ROBO2: variants seen among roughly 807,000 people sequenced by gnomAD.
The protein encoded by ROBO2 is roundabout homolog 2.
Under a neutral mutation model 160.8 loss-of-function variants are expected in ROBO2, and 53 were observed. The observed-to-expected ratio is 0.33, with a 90% CI of 0.26 to 0.41. The LOEUF is 0.41. Among genes scored for constraint, ROBO2 ranks in the 10% least tolerant of loss-of-function variants. The pLI is 1.00. For missense variants in ROBO2, 1,577 were observed against 1,722.4 expected, an observed-to-expected ratio of 0.92 and a Z score of 1.49; for synonymous variants, 664 against 611.7, an observed-to-expected ratio of 1.09 and a Z score of -1.26.
At chr3:76,001,241 T>G (rs981106829) in intron 2 of ROBO2, among the ~76,000 whole-genome samples, 44 of 152,228 alleles carry the variant, frequency 2.9e-4, no homozygotes, top group African/African-American at 1.0e-3. Context: ...ATAGAAAATT[T>G]TAGATATGAT....
chr3:75,988,111 GTTC>G (rs1157547625), intron 2 of ROBO2, among the ~76,000 whole-genome samples: 1 of 151,984 alleles, frequency 6.6e-6, no homozygotes, highest in African/African-American at 2.4e-5. Context: ...CGTTATTATA[GTTC>G]TTCTTTAAAT....
chr3:77,498,713 A>G (rs1387322200), intron 5 of ROBO2, among the ~76,000 whole-genome samples: 2 of 152,018 alleles, frequency 1.3e-5, no homozygotes, highest in African/African-American at 4.8e-5. Context: ...TGTTTAGAGC[A>G]TGTGCTTCTG....
At chr3:76,832,037 T>C (rs1374313204) in intron 2 of ROBO2, among the ~76,000 whole-genome samples, 1 of 152,094 alleles carries the variant, frequency 6.6e-6, no homozygotes, top group Non-Finnish European at 1.5e-5. Flanking sequence ...CTGCTATACA[T>C]AGGGTAGGGT....
intron 2 of ROBO2, among the ~76,000 whole-genome samples, chr3:76,571,172 C>T (rs1215903801): frequency 2.6e-5 from 4 of 151,970 alleles, no homozygotes; most frequent in Non-Finnish European, 4.4e-5. Flanking sequence ...TGAAAAGAAA[C>T]CAGGAAATAC....
intron 2 of ROBO2, among the ~76,000 whole-genome samples, chr3:76,163,411 C>T (rs528546983): frequency 2.0e-5 from 3 of 150,926 alleles, no homozygotes; most frequent in South Asian, 2.1e-4. Flanking sequence ...GTTATTATAA[C>T]GTGGTATTGA....
At chr3:77,518,736 T>C (rs1322043002) in intron 5 of ROBO2, among the ~76,000 whole-genome samples, 1 of 151,470 alleles carries the variant, frequency 6.6e-6, no homozygotes, top group Non-Finnish European at 1.5e-5. Context: ...TTATAATCTT[T>C]TCCAACTTCA....
At chr3:76,732,562 A>T (rs1047514869) in intron 2 of ROBO2, among the ~76,000 whole-genome samples, 1 of 152,064 alleles carries the variant, frequency 6.6e-6, no homozygotes, top group African/African-American at 2.4e-5. Flanking sequence ...GATTTTTAAA[A>T]TTTTTCAGTG....
At chr3:76,532,708 T>C (rs544487934) in intron 2 of ROBO2, among the ~76,000 whole-genome samples, 2 of 152,106 alleles carry the variant, frequency 1.3e-5, no homozygotes, top group African/African-American at 2.4e-5. Context: ...AAAAGATGCA[T>C]GTTCTAAGCA....
chr3:75,915,071 C>G (rs548039133), intron 1 of ROBO2, among the ~76,000 whole-genome samples: 3 of 152,292 alleles, frequency 2.0e-5, no homozygotes, highest in Non-Finnish European at 4.4e-5. Flanking sequence ...GTGCAACCAA[C>G]TGTCTCCTTG....
chr3:76,118,368 C>A (rs1167958266), intron 2 of ROBO2, among the ~76,000 whole-genome samples: 1 of 152,116 alleles, frequency 6.6e-6, no homozygotes, highest in African/African-American at 2.4e-5. Context: ...TGTTAACACC[C>A]AAATTCATAT....
chr3:77,382,342 T>A (rs2073591383), intron 2 of ROBO2, among the ~76,000 whole-genome samples: 1 of 100,938 alleles, frequency 9.9e-6, no homozygotes, highest in Non-Finnish European at 2.2e-5. Flanking sequence ...AGAAAACACA[T>A]GTCCTTTTTT....
intron 20 of ROBO2, among the ~76,000 whole-genome samples, 188 bp downstream of exon 21, chr3:77,602,679 ACCACCACCACCGCCGCCG>A (rs1205481916): frequency 2.9e-5 from 3 of 105,030 alleles, no homozygotes; most frequent in East Asian, 3.0e-4. Flanking sequence ...CACCACCACC[ACCACCACCACCGCCGCCG>A]CCACCACCAC....
chr3:76,203,737 C>A (rs1046876328), intron 2 of ROBO2, among the ~76,000 whole-genome samples: 8 of 135,300 alleles, frequency 5.9e-5, no homozygotes, highest in African/African-American at 1.6e-4. Flanking sequence ...CCCATAATTT[C>A]TTCTCCTTTC....
chr3:76,772,150 T>G (rs1288735689), intron 2 of ROBO2, among the ~76,000 whole-genome samples: 1 of 151,290 alleles, frequency 6.6e-6, no homozygotes, highest in African/African-American at 2.4e-5. Context: ...GCTTTGTTTG[T>G]AAAATAGTCC....
chr3:76,692,895 C>G (rs74876716), intron 2 of ROBO2, among the ~76,000 whole-genome samples: 2 of 151,096 alleles, frequency 1.3e-5, no homozygotes, highest in African/African-American at 2.4e-5. Flanking sequence ...CTCTCTCTCT[C>G]TCTCTATATA....
chr3:75,966,600 G>T (rs1949125385), intron 2 of ROBO2, among the ~76,000 whole-genome samples: 1 of 151,568 alleles, frequency 6.6e-6, no homozygotes, highest in African/African-American at 2.4e-5. Flanking sequence ...GTCAGAACCT[G>T]GGTTTTCTCA....
At chr3:77,468,154 T>C (rs1472617121) in intron 2 of ROBO2, among the ~76,000 whole-genome samples, 4 of 152,192 alleles carry the variant, frequency 2.6e-5, no homozygotes, top group Non-Finnish European at 5.9e-5. Flanking sequence ...GATTAAACAT[T>C]AATCAGCTTC....
intron 16 of ROBO2, among the ~76,000 whole-genome samples, chr3:77,586,860 C>A (rs569766264): frequency 3.3e-4 from 49 of 148,124 alleles, no homozygotes; most frequent in African/African-American, 1.1e-3. Context: ...TAATATTAAA[C>A]ATATAATAAA....
intron 2 of ROBO2, among the ~76,000 whole-genome samples, chr3:76,269,242 C>A (rs530535648): frequency 3.7e-4 from 57 of 152,114 alleles, no homozygotes; most frequent in Admixed American, 1.6e-3. Flanking sequence ...GTGGTTATTA[C>A]ACATTGTATG....
Sources: allele counts gnomAD v4.1 joint callset (sites outside exome capture counted in the v4.1 genomes callset), GRCh38; gene constraint gnomAD v4.1.1; transcripts MANE v1.5; gene names NCBI Gene and HGNC (gene_info 2026-07-23, HGNC 2026-07-21).